Variants in ITGA9 observed in about 807,000 individuals in gnomAD.
ITGA9 encodes the protein integrin alpha-9.
ITGA9 carries 56 observed loss-of-function variants against 127.8 expected under a neutral mutation model. That is an observed-to-expected ratio of 0.44 (90% confidence interval 0.35 to 0.55). The LOEUF (loss-of-function observed/expected upper bound fraction) is 0.55, where lower values mean the gene tolerates loss of function less well. Among genes scored for constraint, ITGA9 ranks in the 20% least tolerant of loss-of-function variants. ITGA9 has a pLI of 0.00. For missense variants in ITGA9, 1,196 were observed against 1,347.1 expected, an observed-to-expected ratio of 0.89 and a Z score of 1.76; for synonymous variants, 508 against 514.5, an observed-to-expected ratio of 0.99 and a Z score of 0.17.
chr3:37,686,494 A>G (rs1700783885), intron 18 of ITGA9, among the ~76,000 whole-genome samples: 1 of 152,186 alleles, frequency 6.6e-6, no homozygotes, highest in Admixed American at 6.5e-5. Context: ...GGCTCTAGGA[A>G]GTCAAAGACA....
At chr3:37,747,716 C>CT (rs56897652) in intron 22 of ITGA9, among the ~76,000 whole-genome samples, 33,950 of 139,920 alleles carry the variant, frequency 0.24, 4,149 homozygotes, top group African/African-American at 0.36. Flanking sequence ...CCTTTTTTTT[C>CT]TTTTTTTTTT....
intron 15 of ITGA9, among the ~76,000 whole-genome samples, chr3:37,607,841 A>G (rs957586678): frequency 2.0e-5 from 3 of 152,154 alleles, no homozygotes; most frequent in Admixed American, 6.5e-5. Context: ...GGGGGCGGGG[A>G]CCTGATAGAT....
At chr3:37,653,587 G>A in intron 16 of ITGA9, 127 bp from the exon 17 acceptor site, 2 of 784,834 alleles carry the variant, frequency 2.5e-6, no homozygotes, top group East Asian at 4.9e-5. Context: ...CTTTTTGGAG[G>A]TGGGAGTAGA....
At chr3:37,632,551 A>C (rs1395969891) in intron 16 of ITGA9, among the ~76,000 whole-genome samples, 1 of 152,224 alleles carries the variant, frequency 6.6e-6, no homozygotes, top group African/African-American at 2.4e-5. Flanking sequence ...GTAATAATAG[A>C]ATAGCATGTT....
intron 18 of ITGA9, 70 bp from the exon 19 acceptor site, chr3:37,732,642 C>A (rs1431363287): frequency 5.2e-6 from 6 of 1,151,916 alleles, no homozygotes; most frequent in African/African-American, 4.5e-5. Context: ...ACTCGATTGC[C>A]CCGTGGAGCC....
Position 37,475,366 on chromosome 3 carries a change from C to T in ITGA9, c.420+1906C>T, listed in dbSNP as rs1698482815. ...GAGTTTGCTCCTGTGAAAATATTTC[C>T]TCTCTGCAAGGAAGGATAACCTCTC... On this transcript the variant is annotated intron_variant, in intron 3 of 27. Coordinates refer to ENST00000264741, the MANE Select transcript of ITGA9 (RefSeq NM_002207.3). Among the ~76,000 whole-genome samples, 3 of 152,216 alleles carry T rather than the reference C, an allele frequency of 2.0e-5. No homozygotes were observed. The South Asian group carries it at 6.2e-4, about 32-fold the overall frequency.
chr3:37,514,730 C>T (rs547923965), intron 9 of ITGA9, among the ~76,000 whole-genome samples: 6 of 152,248 alleles, frequency 3.9e-5, no homozygotes, highest in South Asian at 4.1e-4. Flanking sequence ...CCACCACACC[C>T]GGCTAATTTT....
At chr3:37,527,504 C>T (rs1051320723) in intron 13 of ITGA9, among the ~76,000 whole-genome samples, 2 of 152,188 alleles carry the variant, frequency 1.3e-5, no homozygotes, top group African/African-American at 4.8e-5. Context: ...TTGTGTCCCC[C>T]AAGTGGTGAC....
chr3:37,741,904 G>T (rs1172817492), intron 21 of ITGA9, 85 bp downstream of exon 21: 4 of 1,103,716 alleles, frequency 3.6e-6, no homozygotes, highest in Non-Finnish European at 1.4e-6. Flanking sequence ...TGTGTAGCCA[G>T]CCAGGAGCCA....
chr3:37,728,293 C>T (rs371069146), intron 18 of ITGA9, among the ~76,000 whole-genome samples: 2 of 152,336 alleles, frequency 1.3e-5, no homozygotes, highest in South Asian at 4.1e-4. Flanking sequence ...CCAGAGCGCT[C>T]TCCACTGACA....
At chr3:37,470,417 T>C (rs1407756511) in intron 1 of ITGA9, among the ~76,000 whole-genome samples, 1 of 152,220 alleles carries the variant, frequency 6.6e-6, no homozygotes, top group Non-Finnish European at 1.5e-5. Context: ...TTCTGGTTGG[T>C]ATGAAGTTGA....
intron 20 of ITGA9, among the ~76,000 whole-genome samples, chr3:37,737,509 C>T (rs1370392956): frequency 2.6e-5 from 4 of 152,142 alleles, no homozygotes; most frequent in East Asian, 3.9e-4. Context: ...GAAAGGGGAT[C>T]GTGGGGTGGC....
Position 37,819,106 on chromosome 3 carries a change from TCTC to T in ITGA9, c.*118_*120del, listed in dbSNP as rs2125570085. The T allele has an allele frequency of 8.7e-6, 7 of 805,872 alleles. No individual in the cohort carries two copies. Among genetic ancestry groups the T allele is most frequent in the Non-Finnish European group, 1.5e-5 (7 of 468,844 alleles). 49.9% of individuals were successfully genotyped at this position (805,872 alleles called of 1,614,324 possible). A position where few individuals can be genotyped will look rare whatever the true frequency, so the allele number is the denominator to read the frequency against. On this transcript the variant is annotated 3_prime_UTR_variant, in exon 28 of 28. Coordinates refer to ENST00000264741, the MANE Select transcript of ITGA9 (RefSeq NM_002207.3). ...TTTTCGGAGGCCCCACTGATGCTGTTCTCTTCTTCATTCTATCAAGCCCAGGTG... is the reference window on the plus strand; with the variant it reads ...TTTTCGGAGGCCCCACTGATGCTGTTTTCTTCATTCTATCAAGCCCAGGTG...
chr3:37,740,448 TTC>T (rs769748108), intron 20 of ITGA9, among the ~76,000 whole-genome samples: 1 of 152,334 alleles, frequency 6.6e-6, no homozygotes, highest in African/African-American at 2.4e-5. Context: ...AAACTAGGTC[TTC>T]TCTCTCTTCC....
At chr3:37,804,916 C>T (rs1408393802) in intron 27 of ITGA9, among the ~76,000 whole-genome samples, 2 of 152,198 alleles carry the variant, frequency 1.3e-5, no homozygotes, top group Admixed American at 1.3e-4. Context: ...AGTATTGCCT[C>T]ATTTTGACCT....
At chr3:37,577,773 AG>A (rs1314503071) in intron 15 of ITGA9, among the ~76,000 whole-genome samples, 5 of 152,374 alleles carry the variant, frequency 3.3e-5, no homozygotes, top group African/African-American at 1.2e-4. Context: ...ATGATGGCTA[AG>A]TGCGCAGAAC....
chr3:37,635,215 C>A (rs1700266197), intron 16 of ITGA9, among the ~76,000 whole-genome samples: 2 of 152,194 alleles, frequency 1.3e-5, no homozygotes, highest in Non-Finnish European at 2.9e-5. Context: ...AATCATGACA[C>A]TTGTCTTGGC....
At chr3:37,711,951 G>A (rs1014821884) in intron 18 of ITGA9, among the ~76,000 whole-genome samples, 1 of 152,210 alleles carries the variant, frequency 6.6e-6, no homozygotes, top group Non-Finnish European at 1.5e-5. Flanking sequence ...AAATACAGAT[G>A]AGCCCAAGTC....
rs2685107 is a variant in ITGA9, at chr3:37,764,547, C to A, written c.2542-12845C>A. 9.8e-4 allele frequency among the ~76,000 whole-genome samples: 149 copies of A among 152,052 alleles called. 4 individuals carry two copies. In the East Asian group the frequency reaches 0.026, roughly 27 times the overall value. ...GTCCAAAACCCGGCGTTCCCTCCCACCCAACTTTCCAGGCCATTTTCTCCA... is the reference window on the plus strand; with the variant it reads ...GTCCAAAACCCGGCGTTCCCTCCCAACCAACTTTCCAGGCCATTTTCTCCA... On this transcript the variant is annotated intron_variant, in intron 23 of 27. Transcript: ENST00000264741.
Sources: gnomAD v4.1 joint callset for allele counts (sites outside exome capture counted in the v4.1 genomes callset) on GRCh38, gnomAD v4.1.1 for gene constraint, MANE v1.5 for transcripts, NCBI Gene and HGNC (gene_info 2026-07-23, HGNC 2026-07-21) for gene names.